The following STAT2 variants were observed in gnomAD, a reference collection of about 807,000 sequenced individuals.
The protein encoded by STAT2 is signal transducer and activator of transcription 2, also known as interferon alpha induced transcriptional activator.
A neutral mutation model predicts 122.3 loss-of-function variants in STAT2; 51 were observed. The observed-to-expected ratio is 0.42, with a 90% CI of 0.33 to 0.53. The LOEUF (loss-of-function observed/expected upper bound fraction) is 0.53, where lower values mean the gene tolerates loss of function less well. Among genes scored for constraint, STAT2 ranks in the 20% least tolerant of loss-of-function variants. The pLI is 0.10. For synonymous variants in STAT2, 351 were observed against 394.9 expected, an observed-to-expected ratio of 0.89 and a Z score of 1.32; for missense variants, 736 against 1,010.3, an observed-to-expected ratio of 0.73 and a Z score of 3.68.
intron 22 of STAT2, among the ~76,000 whole-genome samples, chr12:56,345,510 A>T (rs1592465236): frequency 3.3e-5 from 1 of 29,872 alleles, no homozygotes. Context: ...AAAAAAAAAA[A>T]AAAAAAAAAA....
In STAT2 at chr12:56,356,497, G is replaced by T; in HGVS notation, c.75C>A (p.Ser25Arg). 1 of 1,614,222 alleles carries T rather than the reference G, an allele frequency of 6.2e-7. No individual in the cohort carries two copies. Among genetic ancestry groups the T allele is most frequent in the Non-Finnish European group, 8.5e-7 (1 of 1,180,042 alleles). ...ACTGTCGAATGTCCACAGGCAGGAGGCTGTGCGAGTAAAGCTGGTGCAGCT... is the reference window on the plus strand; with the variant it reads ...ACTGTCGAATGTCCACAGGCAGGAGTCTGTGCGAGTAAAGCTGGTGCAGCT... ...QDQLHQLYSH[S>R]LLPVDIRQYL... The change falls in exon 2 of 24, where the codon AGC becomes AGA. Residue 25 changes from serine to arginine, a missense_variant. Transcript: ENST00000314128.
At chr12:56,355,599 T>C (rs1416244997) in intron 4 of STAT2, 67 bp from the exon 5 acceptor site, 2 of 1,600,798 alleles carry the variant, frequency 1.2e-6, no homozygotes, top group Non-Finnish European at 1.7e-6. Context: ...GGCCTGAAAT[T>C]ATACCACAGG....
At chr12:56,352,558 G>T (rs1312308637) in intron 8 of STAT2, 1 of 151,338 alleles carries the variant, frequency 6.6e-6, no homozygotes, top group Non-Finnish European at 1.5e-5. Context: ...AGGCACTCCA[G>T]CCTGGGAGAC....
rs745450351 is a variant in STAT2, at chr12:56,348,606, G to T, written c.1647C>A (p.Gly549=). 16 of 1,614,042 alleles carry T rather than the reference G, an allele frequency of 9.9e-6. No homozygotes were observed. Among genetic ancestry groups the T allele is most frequent in the Non-Finnish European group, 1.3e-5 (15 of 1,180,044 alleles). Residue 549 remains glycine (G), a synonymous_variant, in exon 19 of 24, where the codon GGC becomes GGA. Transcript: ENST00000314128. ...CCAGCCATGTCCAGAATGGTAACTTGCCAGGAGGGCTCTCTCGCTGGAGGA... is the reference window on the plus strand; with the variant it reads ...CCAGCCATGTCCAGAATGGTAACTTTCCAGGAGGGCTCTCTCGCTGGAGGA... The part of the protein sequence containing the change: ...ADFTKRESPP[G]KLPFWTWLDK...
chr12:56,343,200 A>G lies in STAT2; in HGVS notation c.*189T>C. On this transcript the variant is annotated 3_prime_UTR_variant, in exon 24 of 24. Transcript: ENST00000314128. Reference sequence around the variant, plus strand: ...TATGGCTCAGCATCTGTTCTGATTCATTGTTGTCCCCTCTGTACCCATGTT... The same window carrying G: ...TATGGCTCAGCATCTGTTCTGATTCGTTGTTGTCCCCTCTGTACCCATGTT... 1 of 705,474 alleles carries G rather than the reference A, an allele frequency of 1.4e-6. No homozygotes were observed. Among genetic ancestry groups the G allele is most frequent in the East Asian group, 2.8e-5 (1 of 35,678 alleles). The allele number at this position is 705,474 out of a possible 1,614,324, so 43.7% of individuals were successfully genotyped here. A position where few individuals can be genotyped will look rare whatever the true frequency, so the allele number is the denominator to read the frequency against.
Position 56,348,742 on chromosome 12 carries a change from A to G in STAT2, c.1629+10T>C, listed in dbSNP as rs887629316. ...TAGATCCAGCAGCTCCACAGGATTC[A>G]GGGAGTTACCTTAGTGAAGTCAGCC... is the stretch of plus-strand genomic sequence containing the variant. On this transcript the variant is annotated intron_variant, in intron 18 of 23. Coordinates refer to ENST00000314128, the MANE Select transcript of STAT2 (RefSeq NM_005419.4). The G allele has an allele frequency of 2.2e-5, 36 of 1,614,212 alleles. No homozygotes were observed. The highest frequency in any genetic ancestry group is 3.0e-5 in the Non-Finnish European group (35 of 1,180,036).
chr12:56,349,973 CG>C (rs1878190142), intron 13 of STAT2, 123 bp downstream of exon 13: 1 of 833,740 alleles, frequency 1.2e-6, no homozygotes, highest in African/African-American at 1.7e-5. Context: ...TGCTTGAACC[CG>C]GGAGGCGGAG....
intron 23 of STAT2, 147 bp from the exon 24 acceptor site, chr12:56,343,678 G>A: frequency 1.3e-6 from 2 of 1,519,600 alleles, no homozygotes; most frequent in South Asian, 1.3e-5. Context: ...GTGGGGGAAG[G>A]CATGTGTAAT....
chr12:56,352,421 T>G (rs1878672295), intron 8 of STAT2: 1 of 146,802 alleles, frequency 6.8e-6, no homozygotes, highest in Admixed American at 6.9e-5. Flanking sequence ...GAAAGCCTGC[T>G]AGACAAATCC....
At chr12:56,350,250 A>G in intron 12 of STAT2, 60 bp from the exon 13 acceptor site, 3 of 1,270,186 alleles carry the variant, frequency 2.4e-6, no homozygotes, top group Non-Finnish European at 3.3e-6. Context: ...AACTCAGCAG[A>G]AAAAAAAAAA....
At position 56,348,928 on chromosome 12, in the gene STAT2, C is replaced by T. The variant is rs1877988214; in HGVS notation, c.1572G>A (p.Leu524=). Residue 524 remains leucine, a synonymous_variant, in exon 17 of 24, where the codon CTG becomes CTA. Transcript: ENST00000314128. ...GAGAGAAAAGGAAATCTGTACCGAA[C>T]AGCTTGTTTCTCAGCATGCTCAGCT... ...SDQLSMLRNK[L]FGQNCRTEDP... The T allele has an allele frequency of 1.2e-6, 2 of 1,613,290 alleles. No homozygotes were observed. Among genetic ancestry groups the T allele is most frequent in the Non-Finnish European group, 1.7e-6 (2 of 1,179,566 alleles).
rs1464013760 is a variant in STAT2 at position 56,346,729 on chromosome 12, G to A, written c.1861+90C>T. 4 of 1,604,974 alleles carry A rather than the reference G, an allele frequency of 2.5e-6. No homozygotes were observed. The African/African-American group carries it at 4.0e-5, about 16-fold the overall frequency. The stretch of plus-strand genomic sequence containing the variant: ...CAAACCAGCTGAGGGATTCAGTTCA[G>A]AGCCAGGGAAGCCAAGGGCAGGCAG... On this transcript the variant is annotated intron_variant, in intron 20 of 23. Coordinates refer to ENST00000314128, the MANE Select transcript of STAT2 (RefSeq NM_005419.4).
intron 19 of STAT2, among the ~76,000 whole-genome samples, chr12:56,348,018 G>A (rs1877775228): frequency 6.6e-6 from 1 of 151,660 alleles, no homozygotes; most frequent in Non-Finnish European, 1.5e-5. Flanking sequence ...GAGAATTAAT[G>A]AAGAGCACCC....
intron 8 of STAT2, among the ~76,000 whole-genome samples, chr12:56,353,904 G>C (rs1878952551): frequency 6.9e-6 from 1 of 145,968 alleles, no homozygotes; most frequent in Non-Finnish European, 1.5e-5. Flanking sequence ...GCTGAGACAG[G>C]AGAATTGCTT....
At position 56,350,117 on chromosome 12, in the gene STAT2, T is replaced by C; in HGVS notation, c.1189A>G (p.Ile397Val). The change falls in exon 13 of 24, where the codon ATT (isoleucine) becomes GTT (valine). Residue 397 changes from isoleucine to valine, a missense_variant. Coordinates refer to ENST00000314128, the MANE Select transcript of STAT2 (RefSeq NM_005419.4). The stretch of plus-strand genomic sequence containing the variant: ...CTTACCAGGTAACCAAAGTCCCAAA[T>C]CAAACCCTGACTCTGCCCCTTCTCG... ...TPEKGQSQGLIWDFGYLTLVE... is the reference protein window; with the variant it reads ...TPEKGQSQGLVWDFGYLTLVE... 1 of 1,612,110 alleles carries C rather than the reference T, an allele frequency of 6.2e-7. No homozygotes were observed. The highest frequency in any genetic ancestry group is 8.5e-7 in the Non-Finnish European group (1 of 1,179,620).
intron 8 of STAT2, among the ~76,000 whole-genome samples, chr12:56,353,689 A>G (rs1441116097): frequency 1.3e-5 from 2 of 151,950 alleles, no homozygotes; most frequent in Non-Finnish European, 2.9e-5. Flanking sequence ...AAGAAATAAC[A>G]TGGATAAATA....
intron 6 of STAT2, 111 bp downstream of exon 6, chr12:56,355,164 TG>T (rs1879306900): frequency 1.6e-6 from 2 of 1,250,394 alleles, no homozygotes; most frequent in Non-Finnish European, 2.3e-6. Context: ...CTGTAGTCAG[TG>T]GGGTGTGTCT....
Position 56,347,327 on chromosome 12 carries a change from A to G in STAT2, c.1725-372T>C, listed in dbSNP as rs184372371. Among the ~76,000 whole-genome samples, 186 of 151,890 alleles carry G rather than the reference A, an allele frequency of 1.2e-3. 1 individual carries two copies. The highest frequency in any genetic ancestry group is 2.5e-3 in the Non-Finnish European group (167 of 67,954). On this transcript the variant is annotated intron_variant, in intron 19 of 23. Transcript: ENST00000314128. ...CCTCTCAGCCTCCAGAGTAGCTGGGACCACAGGTGCACACCACCATGCCTG... is the reference window on the plus strand; with the variant it reads ...CCTCTCAGCCTCCAGAGTAGCTGGGGCCACAGGTGCACACCACCATGCCTG...
chr12:56,352,371 T>TTTGTTG (rs1565655623), intron 8 of STAT2: 1 of 28,464 alleles, frequency 3.5e-5, no homozygotes, highest in Non-Finnish European at 6.8e-5. Context: ...TTTTTTTTTT[T>TTTGTTG]GGTGGGGGTG....
Sources: gnomAD v4.1 joint callset for allele counts (sites outside exome capture counted in the v4.1 genomes callset) on GRCh38, gnomAD v4.1.1 for gene constraint, MANE v1.5 for transcripts, NCBI Gene and HGNC (gene_info 2026-07-23, HGNC 2026-07-21) for gene names.